The following DNAH5 variants were observed in gnomAD, a reference collection of about 807,000 sequenced individuals.
DNAH5 encodes the protein dynein axonemal heavy chain 5, also known as axonemal beta dynein heavy chain 5.
Under a neutral mutation model 518.2 loss-of-function variants are expected in DNAH5, and 372 were observed. The observed-to-expected ratio is 0.72, with a 90% confidence interval of 0.66 to 0.78. DNAH5 has a LOEUF of 0.78. DNAH5 is among the 30% of genes least tolerant of loss of function. DNAH5 has a pLI of 0.00. For synonymous variants in DNAH5, 2,039 were observed against 2,025.9 expected (o/e 1.01, Z -0.17); for missense variants, 5,523 against 5,687.0 (o/e 0.97, Z 0.93).
At chr5:13,765,489 T>G (rs1052471098) in intron 59 of DNAH5, among the ~76,000 whole-genome samples, 1 of 152,206 alleles carries the variant, frequency 6.6e-6, no homozygotes, top group Non-Finnish European at 1.5e-5. Flanking sequence ...ATTGACTTGG[T>G]TGGGGCACAA....
At chr5:13,797,335 G>C (rs1757988055) in intron 47 of DNAH5, among the ~76,000 whole-genome samples, 1 of 152,082 alleles carries the variant, frequency 6.6e-6, no homozygotes. Context: ...AATCTACAGA[G>C]AACTCAAACA....
chr5:13,819,366 C>G (rs996594324), intron 41 of DNAH5, among the ~76,000 whole-genome samples: 2 of 152,150 alleles, frequency 1.3e-5, no homozygotes, highest in African/African-American at 4.8e-5. Flanking sequence ...TCCTGATAGA[C>G]AGAATTCACT....
intron 76 of DNAH5, among the ~76,000 whole-genome samples, chr5:13,705,117 G>C (rs972062848): frequency 6.6e-6 from 1 of 151,970 alleles, no homozygotes; most frequent in East Asian, 1.9e-4. Context: ...ACAGCCTCCC[G>C]AGTAGCTGGG....
chr5:13,810,781 C>T (rs1260246622), intron 44 of DNAH5, among the ~76,000 whole-genome samples: 3 of 144,360 alleles, frequency 2.1e-5, no homozygotes, highest in Admixed American at 6.9e-5. Context: ...AACAAAAAAA[C>T]AGGGTTTATC....
At chr5:13,827,582 C>G (rs904411479) in intron 38 of DNAH5, among the ~76,000 whole-genome samples, 1 of 141,680 alleles carries the variant, frequency 7.1e-6, no homozygotes, top group Non-Finnish European at 1.5e-5. Flanking sequence ...TCAGATGAGA[C>G]TTTGGACTTA....
chr5:13,859,095 A>AAAC (rs1554080181), intron 30 of DNAH5, among the ~76,000 whole-genome samples: 1 of 151,694 alleles, frequency 6.6e-6, no homozygotes, highest in Non-Finnish European at 1.5e-5. Flanking sequence ...TGTAGTAGAA[A>AAAC]AACTTAGCCT....
chr5:13,924,672 T>C (rs1580916562), intron 3 of DNAH5, among the ~76,000 whole-genome samples: 1 of 115,426 alleles, frequency 8.7e-6, no homozygotes, highest in Middle Eastern at 3.8e-3. Flanking sequence ...CAAAACTCCG[T>C]CTCAAAAAAA....
chr5:13,693,939 G>C (rs890236664), intron 78 of DNAH5, among the ~76,000 whole-genome samples: 3 of 152,120 alleles, frequency 2.0e-5, no homozygotes, highest in African/African-American at 7.2e-5. Context: ...GAAAAATTCT[G>C]AACAAGTAAA....
At chr5:13,831,627 G>A (rs1253811266) in intron 35 of DNAH5, among the ~76,000 whole-genome samples, 1 of 152,200 alleles carries the variant, frequency 6.6e-6, no homozygotes, top group African/African-American at 2.4e-5. Context: ...TACTGGAAAC[G>A]AGTGCTATAA....
At chr5:13,809,221 T>C (rs1760194065) in intron 45 of DNAH5, 35 bp from the exon 46 acceptor site, 11 of 1,612,972 alleles carry the variant, frequency 6.8e-6, no homozygotes, top group Non-Finnish European at 8.5e-6. Context: ...ATCTCCATAT[T>C]AATAATTCAA....
chr5:13,832,320 T>C lies in DNAH5; in HGVS notation c.5883-1545A>G, dbSNP rs10059892. 8.5e-3 allele frequency among the ~76,000 whole-genome samples: 1,294 copies of C among 152,314 alleles called. 19 individuals are homozygous for C. Among genetic ancestry groups the C allele is most frequent in the African/African-American group, 0.029 (1,216 of 41,570 alleles). ...TTGCTTCAAACAGATCAATCCTATT[T>C]ACATGAAAAGCAGGTGGGCATGCCT... On this transcript the variant is annotated intron_variant, in intron 35 of 78. Coordinates refer to ENST00000265104, the MANE Select transcript of DNAH5 (RefSeq NM_001369.3).
intron 1 of DNAH5, among the ~76,000 whole-genome samples, chr5:13,984,816 T>C (rs1782921545): frequency 6.6e-6 from 1 of 152,230 alleles, no homozygotes; most frequent in South Asian, 2.1e-4. Flanking sequence ...GTTCTGTATT[T>C]TACACTGTTG....
Position 13,811,742 on chromosome 5 carries a change from A to G in DNAH5, c.7312T>C (p.Phe2438Leu). Residue 2438 changes from phenylalanine (F) to leucine (L), a missense_variant, in exon 44 of 79, where the codon TTC (phenylalanine) becomes CTC (leucine). Transcript: ENST00000265104. Reference sequence around the variant, plus strand: ...TTGTATTCTAAGTTCTGGATACAGAAGCGATACAAGTCTGGGAAAGACTCG... The same window carrying G: ...TTGTATTCTAAGTTCTGGATACAGAGGCGATACAAGTCTGGGAAAGACTCG... ...YTESFPDLYR[F>L]CIQNLEYKME... 2 of 1,614,192 alleles carry G rather than the reference A, an allele frequency of 1.2e-6. No homozygotes were observed. The highest frequency in any genetic ancestry group is 1.7e-6 in the Non-Finnish European group (2 of 1,180,032).
intron 63 of DNAH5, 30 bp from the exon 64 acceptor site, chr5:13,752,319 G>T: frequency 6.2e-7 from 1 of 1,613,090 alleles, no homozygotes; most frequent in Non-Finnish European, 8.5e-7. Flanking sequence ...GTTGCTATTG[G>T]CAGACATTAC....
chr5:13,778,596 A>AAGAAAGAAAGAAAGAAAGAAAGAAAG (rs768853052), intron 53 of DNAH5, among the ~76,000 whole-genome samples: 97 of 102,210 alleles, frequency 9.5e-4, no homozygotes, highest in Non-Finnish European at 1.5e-3. Flanking sequence ...GAAAGAAAGA[A>AAGAAAGAAAGAAAGAAAGAAAGAAAG]AGAGAGAGAG....
At chr5:13,986,746 T>A (rs979591345) in intron 1 of DNAH5, among the ~76,000 whole-genome samples, 2 of 152,152 alleles carry the variant, frequency 1.3e-5, no homozygotes, top group Admixed American at 6.5e-5. Flanking sequence ...TAGGTATACA[T>A]TTTTTGCAAG....
intron 66 of DNAH5, 111 bp from the exon 67 acceptor site, chr5:13,736,043 G>A (rs1161879184): frequency 2.5e-6 from 2 of 805,624 alleles, no homozygotes; most frequent in African/African-American, 3.4e-5. Context: ...ATTTTAGGCA[G>A]TGGCTGCCTA....
chr5:13,798,734 T>G (rs1348759034), intron 47 of DNAH5, among the ~76,000 whole-genome samples: 2 of 32,260 alleles, frequency 6.2e-5, no homozygotes, highest in Admixed American at 2.8e-4. Flanking sequence ...ATCATGATTT[T>G]ATTTATTTTA....
intron 1 of DNAH5, among the ~76,000 whole-genome samples, chr5:13,974,909 A>G (rs1782130341): frequency 6.6e-6 from 1 of 152,162 alleles, no homozygotes; most frequent in African/African-American, 2.4e-5. Flanking sequence ...GAGGCTGGTA[A>G]GGCCAGGGCA....
Sources: allele counts gnomAD v4.1 joint callset (sites outside exome capture counted in the v4.1 genomes callset), GRCh38; gene constraint gnomAD v4.1.1; transcripts MANE v1.5; gene names NCBI Gene and HGNC (gene_info 2026-07-23, HGNC 2026-07-21).